The following CRB1 variants were observed in gnomAD, a reference collection of about 807,000 sequenced individuals.
The protein encoded by CRB1 is protein crumbs homolog 1.
Under a neutral mutation model 120.0 loss-of-function variants are expected in CRB1, and 83 were observed. The observed-to-expected ratio is 0.69, with a 90% CI of 0.58 to 0.83. The LOEUF (loss-of-function observed/expected upper bound fraction) is 0.83, where lower values mean the gene tolerates loss of function less well. Ranked by LOEUF, CRB1 falls within the 40% of genes least tolerant of loss-of-function variation. The probability of loss-of-function intolerance (pLI) is 0.00; values close to 1 mark genes in which losing one functional copy is unlikely to be tolerated. For synonymous variants in CRB1, 625 were observed against 612.5 expected, an observed-to-expected ratio of 1.02 and a Z score of -0.30; for missense variants, 1,699 against 1,687.6, an observed-to-expected ratio of 1.01 and a Z score of -0.12.
At chr1:197,404,889 A>G (rs1369321147) in intron 5 of CRB1, among the ~76,000 whole-genome samples, 1 of 152,216 alleles carries the variant, frequency 6.6e-6, no homozygotes, top group African/African-American at 2.4e-5. Context: ...GACTTTTGGC[A>G]AGTTTCATAA....
intron 1 of CRB1, among the ~76,000 whole-genome samples, chr1:197,284,692 G>A (rs556754702): frequency 1.1e-4 from 17 of 151,718 alleles, no homozygotes; most frequent in East Asian, 2.0e-4. Context: ...GTCCTTTTTC[G>A]GTATATAAAA....
the CRB1 span, among the ~76,000 whole-genome samples, chr1:197,235,377 G>A: frequency 2.0e-5 from 3 of 152,114 alleles, no homozygotes; most frequent in Non-Finnish European, 4.4e-5. Flanking sequence ...AGAGGTTATT[G>A]AGCCAGATCA....
chr1:197,301,304 T>C (rs894603526), intron 1 of CRB1, among the ~76,000 whole-genome samples: 1 of 152,072 alleles, frequency 6.6e-6, no homozygotes, highest in Non-Finnish European at 1.5e-5. Flanking sequence ...TAGCTGGGAT[T>C]ACAGGCATGT....
rs529890520 is a variant in CRB1 at position 197,342,891 on chromosome 1, C to T, written c.653-1390C>T. Among the ~76,000 whole-genome samples, 16 of 152,240 alleles carry T rather than the reference C, an allele frequency of 1.1e-4. No homozygotes were observed. In the South Asian group the frequency reaches 3.3e-3, roughly 32 times the overall value. On this transcript the variant is annotated intron_variant, in intron 2 of 11. Transcript: ENST00000367400. Reference sequence around the variant, plus strand: ...TCTGTCAAAAAAATTTATGTTCTTTCCACTCTTCCATGACCTTAGTTATGC... The same window carrying T: ...TCTGTCAAAAAAATTTATGTTCTTTTCACTCTTCCATGACCTTAGTTATGC...
At chr1:197,219,655 A>G in the CRB1 span, among the ~76,000 whole-genome samples, 2 of 152,240 alleles carry the variant, frequency 1.3e-5, no homozygotes, top group Admixed American at 1.3e-4. Flanking sequence ...ATATCCTCAC[A>G]TTACTCCTCT....
chr1:197,293,336 C>T (rs149367828), intron 1 of CRB1, among the ~76,000 whole-genome samples: 2,264 of 152,028 alleles, frequency 0.015, 26 homozygotes, highest in Non-Finnish European at 0.022. Flanking sequence ...AATAAAATAC[C>T]CAGGAAACCA....
chr1:197,222,960 T>G, the CRB1 span: 7 of 857,926 alleles, frequency 8.2e-6, no homozygotes, highest in East Asian at 1.7e-4. Context: ...GCAGATAACA[T>G]GTACAATCTT....
chr1:197,443,743 A>G (rs1665570036), intron 11 of CRB1: 2 of 151,910 alleles, frequency 1.3e-5, no homozygotes, highest in Admixed American at 6.5e-5. Context: ...AAAGTATACT[A>G]AGATATGCAA....
intron 1 of CRB1, among the ~76,000 whole-genome samples, chr1:197,290,539 T>C (rs1005030659): frequency 3.3e-5 from 5 of 151,600 alleles, no homozygotes; most frequent in Non-Finnish European, 5.9e-5. Context: ...ACCAAACTCT[T>C]GATGCAAGGG....
At chr1:197,467,921 A>G (rs151316063) in intron 11 of CRB1, among the ~76,000 whole-genome samples, 3 of 152,296 alleles carry the variant, frequency 2.0e-5, no homozygotes, top group African/African-American at 7.2e-5. Context: ...ACAGGAAATC[A>G]GGTTTCTTGA....
Position 197,344,378 on chromosome 1 carries a change from T to G in CRB1, c.750T>G (p.Cys250Trp), listed in dbSNP as rs62635652. The stretch of plus-strand genomic sequence containing the variant: ...CTCTGGGGGCCTATTTCTGCGACTG[T>G]GCCCCTGGATTCCTGGGGGATCACT... Reference protein sequence around the residue: ...QDALGAYFCDCAPGFLGDHCE... With the variant: ...QDALGAYFCDWAPGFLGDHCE... The change falls in exon 3 of 12, where the codon TGT (cysteine) becomes TGG (tryptophan). Residue 250 changes from cysteine to tryptophan, a missense_variant. Physicochemically the swap from Cys to Trp is radical, Grantham distance 215. Transcript: ENST00000367400. 6.2e-7 allele frequency: 1 copy of G among 1,614,114 alleles called. No homozygotes were observed. The highest frequency in any genetic ancestry group is 1.1e-5 in the South Asian group (1 of 91,080).
chr1:197,361,113 T>G (rs977867066), intron 5 of CRB1, among the ~76,000 whole-genome samples: 8 of 152,136 alleles, frequency 5.3e-5, no homozygotes, highest in African/African-American at 1.9e-4. Flanking sequence ...TCCCACTTGG[T>G]GTATTTTTTT....
intron 4 of CRB1, among the ~76,000 whole-genome samples, chr1:197,351,111 G>A (rs934873578): frequency 1.4e-5 from 2 of 145,884 alleles, no homozygotes; most frequent in Non-Finnish European, 3.0e-5. Flanking sequence ...GGAGACCAAA[G>A]CAAGCAGATC....
intron 1 of CRB1, among the ~76,000 whole-genome samples, chr1:197,327,125 A>AAAAAAAAAAAAAAAC (rs1558055719): frequency 2.0e-5 from 3 of 148,656 alleles, no homozygotes; most frequent in Non-Finnish European, 3.0e-5. Flanking sequence ...AAAAAAAAAA[A>AAAAAAAAAAAAAAAC]AAAAAAACAG....
At chr1:197,233,479 C>A in the CRB1 span, among the ~76,000 whole-genome samples, 1 of 152,210 alleles carries the variant, frequency 6.6e-6, no homozygotes, top group Non-Finnish European at 1.5e-5. Flanking sequence ...TTATCTCTCT[C>A]CTCTACTGTG....
intron 5 of CRB1, among the ~76,000 whole-genome samples, chr1:197,405,136 G>C (rs534891916): frequency 0.055 from 8,331 of 151,972 alleles, 730 homozygotes; most frequent in African/African-American, 0.19. Flanking sequence ...GCCGAAGCTG[G>C]ACTGTACTGC....
chr1:197,363,795 A>T, intron 5 of CRB1: 1 of 723,132 alleles, frequency 1.4e-6, no homozygotes, highest in Non-Finnish European at 2.6e-6. Context: ...GCTCTGCAGA[A>T]TGGAGATTTA....
At position 197,477,709 on chromosome 1, in the gene CRB1, G is replaced by C; in HGVS notation, c.4051G>C (p.Val1351Leu). 1 of 1,613,888 alleles carries C rather than the reference G, an allele frequency of 6.2e-7. No homozygotes were observed. Among genetic ancestry groups the C allele is most frequent in the Non-Finnish European group, 8.5e-7 (1 of 1,179,870 alleles). Residue 1351 changes from valine (V) to leucine (L), a missense_variant, in exon 12 of 12, where the codon GTG becomes CTG. Coordinates refer to ENST00000367400, the MANE Select transcript of CRB1 (RefSeq NM_201253.3). ...CGACATTTTCACCACTATTGGCTCAGTGACTGTCGCCTTGTTACTGATCCT... is the reference window on the plus strand; with the variant it reads ...CGACATTTTCACCACTATTGGCTCACTGACTGTCGCCTTGTTACTGATCCT... ...ISDIFTTIGSVTVALLLILLL... is the reference protein window; with the variant it reads ...ISDIFTTIGSLTVALLLILLL...
intron 4 of CRB1, among the ~76,000 whole-genome samples, chr1:197,350,137 C>T (rs528142728): frequency 2.9e-4 from 43 of 150,576 alleles, no homozygotes; most frequent in African/African-American, 1.0e-3. Flanking sequence ...TGAAAATTTT[C>T]CAAACTATGT....
Sources: gnomAD v4.1 joint callset for allele counts (sites outside exome capture counted in the v4.1 genomes callset) on GRCh38, gnomAD v4.1.1 for gene constraint, MANE v1.5 for transcripts, NCBI Gene and HGNC (gene_info 2026-07-23, HGNC 2026-07-21) for gene names.